DRC7: variants seen among roughly 807,000 people sequenced by gnomAD.
DRC7 encodes coiled-coil domain containing 135.
In DRC7, 80 loss-of-function variants were observed where a neutral mutation model predicts 104.4. The observed-to-expected ratio is 0.77, with a 90% CI of 0.64 to 0.92. The LOEUF is 0.92. DRC7 is among the 40% of genes least tolerant of loss of function. The pLI, the probability that DRC7 is intolerant of heterozygous loss-of-function variation, is 0.00. For missense variants in DRC7, 1,034 were observed against 1,141.1 expected, an observed-to-expected ratio of 0.91 and a Z score of 1.35; for synonymous variants, 405 against 447.3, an observed-to-expected ratio of 0.91 and a Z score of 1.19.
intron 7 of DRC7, among the ~76,000 whole-genome samples, chr16:57,706,942 T>C (rs2048739039): frequency 1.3e-5 from 2 of 152,108 alleles, no homozygotes; most frequent in South Asian, 4.2e-4. Flanking sequence ...CCAGCCATCC[T>C]CCTACCCATC....
intron 12 of DRC7, among the ~76,000 whole-genome samples, chr16:57,723,405 C>A (rs1702626531): frequency 6.6e-6 from 1 of 152,196 alleles, no homozygotes; most frequent in Non-Finnish European, 1.5e-5. Context: ...CAGGCCGGAA[C>A]CTCACCATGG....
chr16:57,707,420 C>G, intron 7 of DRC7, 40 bp from the exon 8 acceptor site: 1 of 1,574,632 alleles, frequency 6.4e-7, no homozygotes, highest in Non-Finnish European at 8.6e-7. Flanking sequence ...CACTCCTCTT[C>G]CAGCCATCTG....
chr16:57,705,119 G>C, intron 7 of DRC7, 85 bp downstream of exon 7: 1 of 1,458,538 alleles, frequency 6.9e-7, no homozygotes, highest in Non-Finnish European at 9.2e-7. Context: ...GTCATGGAGG[G>C]GATGTGTGTA....
rs753061800 is a variant in DRC7, at chr16:57,707,696, G to A, written c.1077+18G>A. On this transcript the variant is annotated intron_variant, in intron 8 of 18. Coordinates refer to ENST00000360716, the MANE Select transcript of DRC7 (RefSeq NM_001289162.2). ...GCTGCAAGGTGCCTAGGGAGGGGGA[G>A]CTGGGTGGGTGTGGCAGGCACAGTG... 3.0e-5 allele frequency: 49 copies of A among 1,608,660 alleles called. No homozygotes were observed. In the African/African-American group the frequency reaches 5.1e-4, roughly 17 times the overall value.
At chr16:57,727,158 A>G in intron 15 of DRC7, 141 bp from the exon 16 acceptor site, 1 of 731,434 alleles carries the variant, frequency 1.4e-6, no homozygotes, top group Non-Finnish European at 2.3e-6. Flanking sequence ...TTTTTAACAG[A>G]TGGGGTTTTT....
intron 17 of DRC7, among the ~76,000 whole-genome samples, chr16:57,729,774 GTGGGTGGGTGGA>G (rs2049031835): frequency 7.8e-6 from 1 of 127,820 alleles, no homozygotes; most frequent in Admixed American, 7.7e-5. Flanking sequence ...GGATGAGTGG[GTGGGTGGGTGGA>G]TGGGTGGATG....
At chr16:57,695,099 T>TG (rs1384210176) in intron 1 of DRC7, among the ~76,000 whole-genome samples, 1 of 152,120 alleles carries the variant, frequency 6.6e-6, no homozygotes, top group Non-Finnish European at 1.5e-5. Flanking sequence ...TTCCCCACAC[T>TG]GGGCTATAGC....
At chr16:57,723,161 G>A in intron 12 of DRC7, 31 bp downstream of exon 12, 1 of 1,609,222 alleles carries the variant, frequency 6.2e-7, no homozygotes, top group Non-Finnish European at 8.5e-7. Flanking sequence ...GGGCCACCCA[G>A]GAGCCTGGGG....
In DRC7 at chr16:57,726,258, C is replaced by T. The variant is rs759718926; in HGVS notation, c.1949C>T (p.Thr650Met). The T allele has an allele frequency of 1.2e-6, 2 of 1,612,270 alleles. No homozygotes were observed. The highest frequency in any genetic ancestry group is 1.3e-5 in the African/African-American group (1 of 74,932). The change falls in exon 14 of 19, where the codon ACG (threonine) becomes ATG (methionine). Residue 650 changes from threonine (T) to methionine (M), a missense_variant. By Grantham distance (81) the Thr-to-Met change is moderately conservative. Transcript: ENST00000360716. The stretch of plus-strand genomic sequence containing the variant: ...AGCAAAGGCAACAAGATCATCATGA[C>T]GCCCGACATGTGCATCAGCTTCGAG... Reference protein sequence around the residue: ...VDSKGNKIIMTPDMCISFEVE... With the variant: ...VDSKGNKIIMMPDMCISFEVE...
In DRC7 at chr16:57,703,597, G is replaced by A. The variant is rs138143356; in HGVS notation, c.700-1279G>A. 2.1e-3 allele frequency among the ~76,000 whole-genome samples: 320 copies of A among 152,274 alleles called. 1 individual carries two copies. Among genetic ancestry groups the A allele is most frequent in the African/African-American group, 7.4e-3 (307 of 41,564 alleles). ...CGAGACAGAAGGGGAAGCACAAGAAGAGCCTTGCTCTCTCAGGCCCACCTC... is the reference window on the plus strand; with the variant it reads ...CGAGACAGAAGGGGAAGCACAAGAAAAGCCTTGCTCTCTCAGGCCCACCTC... On this transcript the variant is annotated intron_variant, in intron 6 of 18. Transcript: ENST00000360716.
intron 10 of DRC7, 118 bp downstream of exon 10, chr16:57,721,857 C>T (rs1567884597): frequency 4.3e-6 from 3 of 696,426 alleles, no homozygotes; most frequent in Non-Finnish European, 7.5e-6. Context: ...CACATTTCCA[C>T]CCTTCTCACC....
chr16:57,701,691 G>A (rs1273009822), intron 5 of DRC7: 1 of 508,780 alleles, frequency 2.0e-6, no homozygotes, highest in Non-Finnish European at 3.5e-6. Flanking sequence ...CAGTCCAGAA[G>A]GTTTCCCCCT....
rs528191373 is a variant in DRC7, at chr16:57,698,153, G to A, written c.203+1G>A. The A allele has an allele frequency of 6.2e-6, 10 of 1,613,974 alleles. No homozygotes were observed. The highest frequency in any genetic ancestry group is 5.0e-5 in the Admixed American group (3 of 60,024). On this transcript the variant is annotated splice_donor_variant, in intron 3 of 18. Transcript: ENST00000360716. LOFTEE classifies it high-confidence loss of function. ...AGATCACTGTCTCAGCGGAGCTCCC[G>A]TGAGTGTGGCAGGGTGGGGGCCCTG...
chr16:57,728,500 G>A lies in DRC7; in HGVS notation c.2307G>A (p.Ala769=), dbSNP rs370168232. Residue 769 remains alanine (A), a synonymous_variant, in exon 17 of 19, where the codon GCG becomes GCA. Coordinates refer to ENST00000360716, the MANE Select transcript of DRC7 (RefSeq NM_001289162.2). ...GAGAGAAACTAACATGCTGGCAGGC[G>A]GTGCGCCTCAAGGATGAGTGCCTCA... ...PPGEKLTCWQ[A]VRLKDECLSD... is the part of the protein sequence containing the mutation. The A allele has an allele frequency of 6.8e-5, 110 of 1,611,996 alleles. No individual in the cohort carries two copies. The highest frequency in any genetic ancestry group is 1.7e-4 in the Middle Eastern group (1 of 6,060).
At chr16:57,726,546 C>A (rs1320801955) in intron 14 of DRC7, 2 of 561,662 alleles carry the variant, frequency 3.6e-6, no homozygotes, top group Non-Finnish European at 6.4e-6. Flanking sequence ...AACCTCAGAT[C>A]CTAGGGAGGC....
rs144368726 is a variant in DRC7, at chr16:57,723,067, A to T, written c.1474A>T (p.Ile492Leu). Residue 492 changes from isoleucine to leucine, a missense_variant, in exon 12 of 19, where the codon ATA (isoleucine) becomes TTA (leucine). Ile to Leu is a conservative substitution (Grantham distance 5, BLOSUM62 2). Transcript: ENST00000360716. ...GGAAGACATGCTGGAGCTGAAACAC[A>T]TAAACAAGACCACAGACCTGAAGAC... is the stretch of plus-strand genomic sequence containing the variant. ...NREDMLELKH[I>L]NKTTDLKTDY... The T allele has an allele frequency of 4.4e-5, 71 of 1,613,910 alleles. No homozygotes were observed. The African/African-American group carries it at 8.7e-4, about 20-fold the overall frequency.
At chr16:57,702,873 G>A (rs1379418625) in intron 6 of DRC7, among the ~76,000 whole-genome samples, 3 of 151,998 alleles carry the variant, frequency 2.0e-5, no homozygotes, top group Non-Finnish European at 4.4e-5. Context: ...CCACACTCCC[G>A]AGGTAAAAAG....
chr16:57,727,476 G>A, intron 16 of DRC7, 67 bp downstream of exon 16: 1 of 1,160,678 alleles, frequency 8.6e-7, no homozygotes. Context: ...GGGTGGTGGG[G>A]ACCATGAGGG....
Position 57,726,090 on chromosome 16 carries a change from G to GCAACC in DRC7, c.1784_1788dup (p.Ala597ThrfsTer55). ...CAGAAAATCACAGAGCGGTTCTTCC[G>GCAACC]CAACCCAGCGAAGCCCGCGGAGGAG... On this transcript the variant is annotated frameshift_variant, in exon 14 of 19. Coordinates refer to ENST00000360716, the MANE Select transcript of DRC7 (RefSeq NM_001289162.2). LOFTEE classifies it high-confidence loss of function. The GCAACC allele has an allele frequency of 6.2e-7, 1 of 1,613,276 alleles. No homozygotes were observed. The highest frequency in any genetic ancestry group is 8.5e-7 in the Non-Finnish European group (1 of 1,179,948).
Sources: allele counts gnomAD v4.1 joint callset (sites outside exome capture counted in the v4.1 genomes callset), GRCh38; gene constraint gnomAD v4.1.1; transcripts MANE v1.5; gene names NCBI Gene and HGNC (gene_info 2026-07-23, HGNC 2026-07-21).